Variants in GDAP1 observed in about 807,000 individuals in gnomAD.
The protein encoded by GDAP1 is ganglioside-induced differentiation-associated protein 1.
Under a neutral mutation model 40.1 loss-of-function variants are expected in GDAP1, and 34 were observed. The observed-to-expected ratio is 0.85, with a 90% CI of 0.64 to 1.13. GDAP1 has a LOEUF of 1.13. Among genes scored for constraint, GDAP1 ranks in the 50% most tolerant of loss-of-function variants. The pLI is 0.00. For synonymous variants in GDAP1, 170 were observed against 157.4 expected (o/e 1.08, Z -0.60); for missense variants, 374 against 433.7 (o/e 0.86, Z 1.22).
At chr8:74,414,130 G>C (rs1805750147) in intron 2 of GDAP1, among the ~76,000 whole-genome samples, 1 of 150,198 alleles carries the variant, frequency 6.7e-6, no homozygotes, top group South Asian at 2.1e-4. Flanking sequence ...ACAACCCCCA[G>C]AAAGTGGATT....
At chr8:74,380,051 A>C (rs1408739121) in intron 2 of GDAP1, among the ~76,000 whole-genome samples, 1 of 152,186 alleles carries the variant, frequency 6.6e-6, no homozygotes, top group Non-Finnish European at 1.5e-5. Flanking sequence ...GATTGACCGC[A>C]GTTTTGAGTG....
Position 74,440,023 on chromosome 8 carries a change from A to C in GDAP1, c.166-48655A>C, listed in dbSNP as rs117572157. ...GTCAATAGCTATAGCATTTGGCATT[A>C]TTGGAAAATTTAATATTGTTATTAA... On this transcript the variant is annotated intron_variant, in intron 2 of 2. Coordinates refer to the GDAP1 transcript ENST00000523640. 3.5e-3 allele frequency among the ~76,000 whole-genome samples: 533 copies of C among 152,280 alleles called. 2 individuals carry two copies. The highest frequency in any genetic ancestry group is 5.4e-3 in the Non-Finnish European group (365 of 68,012).
chr8:74,478,479 G>A (rs1586847910), intron 2 of GDAP1, among the ~76,000 whole-genome samples: 1 of 151,976 alleles, frequency 6.6e-6, no homozygotes. Context: ...TATGATGTGG[G>A]CCCCCAGGAG....
intron 2 of GDAP1, among the ~76,000 whole-genome samples, chr8:74,418,355 C>T (rs544593720): frequency 1.3e-5 from 2 of 152,076 alleles, no homozygotes; most frequent in Admixed American, 1.3e-4. Context: ...GTCAATTGAA[C>T]AAAACAGAGA....
intron 2 of GDAP1, among the ~76,000 whole-genome samples, chr8:74,414,411 A>G (rs1425123021): frequency 4.0e-5 from 6 of 150,030 alleles, no homozygotes; most frequent in African/African-American, 1.0e-4. Context: ...CTTGAAATGT[A>G]TGGAAAGATA....
chr8:74,397,272 G>A (rs1349142380), intron 2 of GDAP1, among the ~76,000 whole-genome samples: 1 of 151,234 alleles, frequency 6.6e-6, no homozygotes, highest in East Asian at 1.9e-4. Context: ...TGTCAGATGA[G>A]TAGGTTGCAA....
intron 2 of GDAP1, among the ~76,000 whole-genome samples, chr8:74,357,228 G>A (rs1462339088): frequency 6.6e-6 from 1 of 152,168 alleles, no homozygotes; most frequent in Non-Finnish European, 1.5e-5. Flanking sequence ...ACCTAGGGGA[G>A]TCTTTCTTGA....
intron 2 of GDAP1, among the ~76,000 whole-genome samples, chr8:74,420,488 G>A (rs187716497): frequency 1.2e-3 from 182 of 152,230 alleles, no homozygotes; most frequent in Non-Finnish European, 2.3e-3. Flanking sequence ...CAAGTAAAAT[G>A]TTGGTGAGAA....
intron 2 of GDAP1, among the ~76,000 whole-genome samples, chr8:74,429,455 G>A (rs983999311): frequency 1.5e-4 from 23 of 152,246 alleles, no homozygotes; most frequent in African/African-American, 5.1e-4. Flanking sequence ...CTACAGACAG[G>A]GAAGGTTAAA....
intron 2 of GDAP1, among the ~76,000 whole-genome samples, chr8:74,449,508 T>C (rs1323013354): frequency 6.6e-6 from 1 of 151,884 alleles, no homozygotes; most frequent in African/African-American, 2.4e-5. Context: ...CTAAACAGTG[T>C]TTTGTAGTTT....
intron 2 of GDAP1, among the ~76,000 whole-genome samples, chr8:74,377,566 G>A (rs751291209): frequency 7.9e-5 from 12 of 152,194 alleles, no homozygotes; most frequent in Non-Finnish European, 1.2e-4. Context: ...AATTAAAACC[G>A]CAATGAGATA....
chr8:74,373,169 A>G (rs1809785176), intron 2 of GDAP1, among the ~76,000 whole-genome samples: 2 of 152,128 alleles, frequency 1.3e-5, no homozygotes, highest in African/African-American at 4.8e-5. Flanking sequence ...GCCTTGTAGT[A>G]TAGTTTGAAG....
At chr8:74,409,761 A>G (rs1489282247) in intron 2 of GDAP1, among the ~76,000 whole-genome samples, 1 of 150,068 alleles carries the variant, frequency 6.7e-6, no homozygotes, top group Non-Finnish European at 1.5e-5. Flanking sequence ...ATCCCCACCT[A>G]TCATGATTGC....
At chr8:74,434,894 C>A (rs757017626) in intron 2 of GDAP1, among the ~76,000 whole-genome samples, 9 of 152,170 alleles carry the variant, frequency 5.9e-5, no homozygotes, top group Non-Finnish European at 1.3e-4. Flanking sequence ...AAATTCTTAT[C>A]TTCTCTATAA....
intron 2 of GDAP1, among the ~76,000 whole-genome samples, chr8:74,396,463 G>A (rs541497120): frequency 4.7e-4 from 71 of 151,694 alleles, no homozygotes; most frequent in Non-Finnish European, 6.0e-4. Flanking sequence ...CCATTAACTC[G>A]TCATTTACAT....
At chr8:74,488,459 A>G (rs1259069389) in intron 2 of GDAP1, among the ~76,000 whole-genome samples, 1 of 152,118 alleles carries the variant, frequency 6.6e-6, no homozygotes, top group East Asian at 1.9e-4. Context: ...CATAAGAATG[A>G]CATTTCTTGG....
In GDAP1 at chr8:74,434,722, T is replaced by G. The variant is rs1806068041; in HGVS notation, c.166-53956T>G. ...ATAATTTCACAAATTGCTCTTTTTA[T>G]CCCTAGTTCTGTAAGGAATTACCAT... is the stretch of plus-strand genomic sequence containing the variant. On this transcript the variant is annotated intron_variant, in intron 2 of 2. Transcript: ENST00000523640. 2.0e-5 allele frequency among the ~76,000 whole-genome samples: 3 copies of G among 152,202 alleles called. No homozygotes were observed. In the South Asian group the frequency reaches 6.2e-4, roughly 32 times the overall value.
intron 2 of GDAP1, among the ~76,000 whole-genome samples, chr8:74,437,517 G>A (rs1307755467): frequency 2.0e-5 from 3 of 151,642 alleles, no homozygotes; most frequent in Non-Finnish European, 2.9e-5. Context: ...ATCCTTACAG[G>A]TATACTTGAG....
intron 2 of GDAP1, among the ~76,000 whole-genome samples, chr8:74,445,796 A>G (rs1000317122): frequency 6.6e-6 from 1 of 152,216 alleles, no homozygotes; most frequent in African/African-American, 2.4e-5. Context: ...TCTGTTATAC[A>G]AATAAATTAA....
Sources: allele counts gnomAD v4.1 joint callset (sites outside exome capture counted in the v4.1 genomes callset), GRCh38; gene constraint gnomAD v4.1.1; transcripts MANE v1.5; gene names NCBI Gene and HGNC (gene_info 2026-07-23, HGNC 2026-07-21).